The following ARHGAP17 variants were observed in gnomAD, a reference collection of about 807,000 sequenced individuals.
ARHGAP17 encodes Rho GTPase activating protein 17.
ARHGAP17 carries 57 observed loss-of-function variants against 99.5 expected under a neutral mutation model. The ratio of observed to expected loss-of-function variants is 0.57; its 90% CI spans 0.46 to 0.71. The LOEUF is 0.71. Ranked by LOEUF, ARHGAP17 falls within the 30% of genes least tolerant of loss-of-function variation. ARHGAP17 has a pLI of 0.00. For synonymous variants in ARHGAP17, 417 were observed against 429.6 expected, an observed-to-expected ratio of 0.97 and a Z score of 0.36; for missense variants, 1,000 against 1,122.4, an observed-to-expected ratio of 0.89 and a Z score of 1.56.
chr16:25,006,143 A>G (rs114382901), intron 1 of ARHGAP17, among the ~76,000 whole-genome samples: 1,864 of 152,206 alleles, frequency 0.012, 46 homozygotes, highest in African/African-American at 0.043. Context: ...GACAAATTTG[A>G]CTCCAAGTGA....
intron 12 of ARHGAP17, among the ~76,000 whole-genome samples, chr16:24,951,530 G>GA (rs2051644501): frequency 6.6e-6 from 1 of 152,166 alleles, no homozygotes; most frequent in Admixed American, 6.5e-5. Flanking sequence ...CGGACAATCT[G>GA]AAAAAACTCA....
chr16:24,933,507 A>G (rs1350770467), intron 18 of ARHGAP17, among the ~76,000 whole-genome samples: 1 of 151,982 alleles, frequency 6.6e-6, no homozygotes, highest in Non-Finnish European at 1.5e-5. Context: ...AGGAAAAAAA[A>G]AAAGAAAAAA....
chr16:24,935,691 C>G (rs1188501114), intron 17 of ARHGAP17, 52 bp from the exon 18 acceptor site: 1 of 1,555,186 alleles, frequency 6.4e-7, no homozygotes, highest in African/African-American at 1.4e-5. Context: ...GCTAGAAAAT[C>G]TGAACATACT....
chr16:24,954,769 T>C (rs199601181), intron 9 of ARHGAP17, 39 bp from the exon 10 acceptor site: 5 of 1,607,906 alleles, frequency 3.1e-6, no homozygotes, highest in African/African-American at 2.7e-5. Context: ...CCCAACAAAC[T>C]CACGGCATTA....
intron 17 of ARHGAP17, chr16:24,935,894 A>T: frequency 2.2e-6 from 1 of 457,466 alleles, no homozygotes. Flanking sequence ...TTGGTCTCAA[A>T]TTTCTGGACT....
intron 15 of ARHGAP17, 25 bp downstream of exon 15, chr16:24,943,746 T>C: frequency 6.3e-7 from 1 of 1,597,770 alleles, no homozygotes; most frequent in Non-Finnish European, 8.6e-7. Context: ...GCTTTGGCGG[T>C]CAATGAAACT....
intron 5 of ARHGAP17, 109 bp from the exon 6 acceptor site, chr16:24,968,536 A>G (rs1054268392): frequency 5.3e-6 from 8 of 1,501,876 alleles, no homozygotes; most frequent in Middle Eastern, 1.7e-4. Flanking sequence ...TGTACCTTCA[A>G]TTGACTCCCC....
intron 17 of ARHGAP17, among the ~76,000 whole-genome samples, chr16:24,937,274 T>G (rs1165277963): frequency 2.0e-5 from 3 of 151,644 alleles, no homozygotes; most frequent in Admixed American, 2.0e-4. Context: ...ATACAAAAAT[T>G]AGCCAGGCAT....
Position 24,933,736 on chromosome 16 carries a change from G to A in ARHGAP17, c.1894+1734C>T, listed in dbSNP as rs80317037. Among the ~76,000 whole-genome samples, 1,006 of 151,966 alleles carry A rather than the reference G, an allele frequency of 6.6e-3. 15 individuals carry two copies. The highest frequency in any genetic ancestry group is 0.023 in the African/African-American group (958 of 41,398). ...GAGGATGGGGAGAGGGAGCGTGGGA[G>A]CAAAGTGTCAGGGGGAGGGGGCTGG... On this transcript the variant is annotated intron_variant, in intron 18 of 19. Transcript: ENST00000289968.
At chr16:24,945,257 C>T (rs2051435414) in intron 14 of ARHGAP17, among the ~76,000 whole-genome samples, 1 of 150,910 alleles carries the variant, frequency 6.6e-6, no homozygotes, top group Admixed American at 6.6e-5. Context: ...CAGGAGGTTG[C>T]GGCTGCAGTG....
In ARHGAP17 at chr16:24,949,469, G is replaced by T. The variant is rs758456098; in HGVS notation, c.1062C>A (p.Asp354Glu). The change falls in exon 13 of 20, where the codon GAC becomes GAA. Residue 354 changes from aspartate (D) to glutamate (E), a missense_variant. Transcript: ENST00000289968. The stretch of plus-strand genomic sequence containing the variant: ...TTCTCCACAAGTCTTGAAGTTTTTT[G>T]TCTTGATCCTGCACACTGAGAACAA... ...WTQVASVQDQ[D>E]KKLQDLWRTC... The T allele has an allele frequency of 6.2e-7, 1 of 1,613,444 alleles. No homozygotes were observed.
chr16:24,940,883 TG>T (rs1567217395), intron 16 of ARHGAP17, among the ~76,000 whole-genome samples: 1 of 152,206 alleles, frequency 6.6e-6, no homozygotes, highest in Non-Finnish European at 1.5e-5. Flanking sequence ...TCGTGCTTAC[TG>T]GGTCAGCTGG....
rs757199182 is a variant in ARHGAP17, at chr16:24,982,312, G to A, written c.54-3307C>T. On this transcript the variant is annotated intron_variant, in intron 1 of 19. Coordinates refer to ENST00000289968, the MANE Select transcript of ARHGAP17 (RefSeq NM_001006634.3). ...CCAGCTACCTGGGAGGTTGAGGCAC[G>A]AGAATTGCTTGAACCTGGGAGGCGG... is the stretch of plus-strand genomic sequence containing the variant. Among the ~76,000 whole-genome samples, 6 of 151,976 alleles carry A rather than the reference G, an allele frequency of 3.9e-5. No homozygotes were observed. The East Asian group carries it at 7.7e-4, about 20-fold the overall frequency.
intron 1 of ARHGAP17, among the ~76,000 whole-genome samples, chr16:24,991,416 A>C (rs2053037396): frequency 1.3e-5 from 2 of 152,242 alleles, no homozygotes; most frequent in African/African-American, 2.4e-5. Context: ...TGACCTTTCC[A>C]AATTTATCAA....
intron 17 of ARHGAP17, among the ~76,000 whole-genome samples, 173 bp downstream of exon 17, chr16:24,939,191 C>T (rs1455717095): frequency 2.6e-5 from 4 of 152,174 alleles, no homozygotes; most frequent in African/African-American, 7.2e-5. Context: ...TAAAAAGAAG[C>T]GAGCCATTCA....
chr16:24,952,369 A>C lies in ARHGAP17; in HGVS notation c.966T>G (p.Gly322=), dbSNP rs1308238540. The change falls in exon 12 of 20, where the codon GGT becomes GGG. Residue 322 remains glycine, a splice_region_variant and synonymous_variant. Transcript: ENST00000289968. ...ATTCCCGTAAATAGGATTTTAAAGC[A>C]CCTGAAATCATTAACACTCTCTTTG... The part of the protein sequence containing the change: ...EFYSDPHAVA[G]ALKSYLRELP... The C allele has an allele frequency of 1.2e-6, 2 of 1,611,806 alleles. No individual in the cohort carries two copies. Among genetic ancestry groups the C allele is most frequent in the South Asian group, 2.2e-5 (2 of 90,964 alleles).
At chr16:24,976,799 TCATTA>T (rs1326386153) in intron 3 of ARHGAP17, among the ~76,000 whole-genome samples, 1 of 152,202 alleles carries the variant, frequency 6.6e-6, no homozygotes, top group African/African-American at 2.4e-5. Context: ...ACTGGGTTTT[TCATTA>T]CATTACTAAA....
Position 24,990,811 on chromosome 16 carries a change from C to T in ARHGAP17, c.54-11806G>A, listed in dbSNP as rs552640812. On this transcript the variant is annotated intron_variant, in intron 1 of 19. Transcript: ENST00000289968. ...TTTAGCTCCCCAGGCAATTCCCAAG[C>T]AAAGAGAACACTGAGAACTGCTGCA... 8.3e-5 allele frequency among the ~76,000 whole-genome samples: 12 copies of T among 144,260 alleles called. No homozygotes were observed. The East Asian group carries it at 1.6e-3, about 19-fold the overall frequency. 94.6% of individuals were successfully genotyped at this position (144,260 alleles called of 152,430 possible). A position where few individuals can be genotyped will look rare whatever the true frequency, so the allele number is the denominator to read the frequency against.
intron 1 of ARHGAP17, among the ~76,000 whole-genome samples, chr16:24,979,278 C>T (rs34993326): frequency 3.9e-5 from 6 of 152,126 alleles, no homozygotes; most frequent in Non-Finnish European, 8.8e-5. Context: ...CACAGAATCA[C>T]CAAGGGCAGC....
Sources: gnomAD v4.1 joint callset for allele counts (sites outside exome capture counted in the v4.1 genomes callset) on GRCh38, gnomAD v4.1.1 for gene constraint, MANE v1.5 for transcripts, NCBI Gene and HGNC (gene_info 2026-07-23, HGNC 2026-07-21) for gene names.